The following FOXP1 variants were observed in gnomAD, a reference collection of about 807,000 sequenced individuals.
The protein encoded by FOXP1 is forkhead box P1.
Under a neutral mutation model 98.2 loss-of-function variants are expected in FOXP1, and 15 were observed. That is an observed-to-expected ratio of 0.15 (90% confidence interval 0.10 to 0.24). FOXP1 has a LOEUF of 0.24. Among genes scored for constraint, FOXP1 ranks in the 10% least tolerant of loss-of-function variants. The pLI, the probability that FOXP1 is intolerant of heterozygous loss-of-function variation, is 1.00. For synonymous variants in FOXP1, 371 were observed against 314.5 expected (o/e 1.18, Z -1.90); for missense variants, 633 against 848.5 (o/e 0.75, Z 3.15).
intron 6 of FOXP1, among the ~76,000 whole-genome samples, chr3:71,177,515 AAC>A (rs1383139418): frequency 1.3e-5 from 2 of 152,194 alleles, no homozygotes; most frequent in Non-Finnish European, 1.5e-5. Context: ...ACAATAAACA[AAC>A]ACAGTAAGAG....
chr3:71,047,529 C>T (rs557281868), intron 9 of FOXP1, among the ~76,000 whole-genome samples: 12 of 152,328 alleles, frequency 7.9e-5, no homozygotes, highest in Middle Eastern at 3.4e-3. Flanking sequence ...CTTTTAACTA[C>T]TCTGTTTATC....
At chr3:71,431,099 G>C (rs377391966) in intron 3 of FOXP1, among the ~76,000 whole-genome samples, 4 of 152,156 alleles carry the variant, frequency 2.6e-5, no homozygotes, top group African/African-American at 7.2e-5. Context: ...TGTCCCTTGC[G>C]TGCATGCAGC....
intron 5 of FOXP1, among the ~76,000 whole-genome samples, chr3:71,214,231 G>C (rs908855097): frequency 1.3e-5 from 2 of 152,210 alleles, no homozygotes; most frequent in African/African-American, 4.8e-5. Context: ...CTAGACCTTG[G>C]ATCTCCCCCA....
intron 10 of FOXP1, among the ~76,000 whole-genome samples, chr3:71,043,229 C>T (rs2048586089): frequency 6.6e-6 from 1 of 152,220 alleles, no homozygotes; most frequent in African/African-American, 2.4e-5. Context: ...CCTCGACAGA[C>T]AAGTCGGTTT....
chr3:71,158,760 C>T (rs2060982673), intron 6 of FOXP1, among the ~76,000 whole-genome samples: 1 of 144,390 alleles, frequency 6.9e-6, no homozygotes, highest in South Asian at 2.2e-4. Flanking sequence ...AAATGGTGAT[C>T]ACAAATCCTG....
chr3:71,551,540 A>G (rs1026258785), intron 2 of FOXP1, among the ~76,000 whole-genome samples: 2 of 152,260 alleles, frequency 1.3e-5, no homozygotes, highest in Non-Finnish European at 1.5e-5. Context: ...ATTCACATGC[A>G]TAACGTTTCC....
At chr3:71,055,975 A>G (rs1309879578) in intron 7 of FOXP1, among the ~76,000 whole-genome samples, 1 of 152,222 alleles carries the variant, frequency 6.6e-6, no homozygotes, top group Admixed American at 6.5e-5. Context: ...AGCAGAAATC[A>G]TGATAGAAAT....
intron 6 of FOXP1, among the ~76,000 whole-genome samples, chr3:71,115,651 G>A (rs1209797483): frequency 2.0e-5 from 3 of 151,408 alleles, no homozygotes; most frequent in Non-Finnish European, 4.4e-5. Flanking sequence ...TTTTTAAATA[G>A]TCAAGTCTCA....
intron 2 of FOXP1, among the ~76,000 whole-genome samples, chr3:71,563,947 C>T (rs2046725071): frequency 6.6e-6 from 1 of 152,208 alleles, no homozygotes; most frequent in Non-Finnish European, 1.5e-5. Flanking sequence ...TGTGAATACC[C>T]ACAGTATGCC....
At chr3:71,208,661 G>A (rs924877260) in intron 5 of FOXP1, among the ~76,000 whole-genome samples, 1 of 151,930 alleles carries the variant, frequency 6.6e-6, no homozygotes, top group African/African-American at 2.4e-5. Flanking sequence ...AGTAAACAAG[G>A]GGCCCAGCAT....
intron 6 of FOXP1, among the ~76,000 whole-genome samples, chr3:71,125,040 C>T (rs1246985050): frequency 6.6e-6 from 1 of 152,194 alleles, no homozygotes; most frequent in Non-Finnish European, 1.5e-5. Context: ...AGAATCCTGG[C>T]TCTTTCCAAT....
At chr3:70,999,768 C>G (rs2041877674) in intron 13 of FOXP1, among the ~76,000 whole-genome samples, 2 of 152,220 alleles carry the variant, frequency 1.3e-5, no homozygotes, top group East Asian at 3.8e-4. Flanking sequence ...CTATTTGAAG[C>G]TGTAAATGAC....
chr3:71,338,327 T>C (rs963062579), intron 4 of FOXP1, among the ~76,000 whole-genome samples: 3 of 122,680 alleles, frequency 2.4e-5, no homozygotes, highest in Admixed American at 9.4e-5. Context: ...GTCAGTGTTA[T>C]AGAAAGTGGA....
rs143285530 is a variant in FOXP1, at chr3:70,973,484, T to C, written c.1531-808A>G. Among the ~76,000 whole-genome samples, 598 of 152,298 alleles carry C rather than the reference T, an allele frequency of 3.9e-3. 3 individuals are homozygous for C. Among genetic ancestry groups the C allele is most frequent in the African/African-American group, 0.014 (569 of 41,564 alleles). ...CCTAAGCTGAGACCCTTAACATCGA[T>C]AATTTATCAAAAAGGAGGATCTCAA... is the stretch of plus-strand genomic sequence containing the variant. On this transcript the variant is annotated intron_variant, in intron 17 of 20. Coordinates refer to ENST00000649528, the MANE Select transcript of FOXP1 (RefSeq NM_001349338.3).
At chr3:70,979,355 ATCTT>A (rs1479746117) in intron 14 of FOXP1, among the ~76,000 whole-genome samples, 2 of 145,126 alleles carry the variant, frequency 1.4e-5, no homozygotes, top group Non-Finnish European at 3.0e-5. Flanking sequence ...GTTTCAATTT[ATCTT>A]TCTTATCTTC....
At chr3:71,124,328 A>G (rs1007962410) in intron 6 of FOXP1, among the ~76,000 whole-genome samples, 5 of 147,382 alleles carry the variant, frequency 3.4e-5, no homozygotes, top group South Asian at 4.3e-4. Flanking sequence ...TATGCTTACA[A>G]TTTTTTTTTT....
intron 10 of FOXP1, among the ~76,000 whole-genome samples, chr3:71,042,475 C>A (rs1392170597): frequency 1.3e-5 from 2 of 152,110 alleles, no homozygotes; most frequent in Non-Finnish European, 1.5e-5. Context: ...CCCACACATG[C>A]ACAGAATAAA....
intron 5 of FOXP1, among the ~76,000 whole-genome samples, chr3:71,220,527 C>T (rs1351308464): frequency 1.3e-5 from 2 of 152,050 alleles, no homozygotes; most frequent in African/African-American, 4.8e-5. Flanking sequence ...GCAGGTGGAT[C>T]GCCTGAGCTT....
At chr3:71,100,169 G>A (rs764465549) in intron 7 of FOXP1, among the ~76,000 whole-genome samples, 131 of 152,224 alleles carry the variant, frequency 8.6e-4, no homozygotes, top group Non-Finnish European at 1.3e-3. Context: ...CTAATCAATC[G>A]TGGCACTCTT....
Sources: allele counts gnomAD v4.1 joint callset (sites outside exome capture counted in the v4.1 genomes callset), GRCh38; gene constraint gnomAD v4.1.1; transcripts MANE v1.5; gene names NCBI Gene and HGNC (gene_info 2026-07-23, HGNC 2026-07-21).